The following SNX13 variants were observed in gnomAD, a reference collection of about 807,000 sequenced individuals.
SNX13 encodes sorting nexin 13, also known as sorting nexin-13.
In SNX13, 45 loss-of-function variants were observed where a neutral mutation model predicts 133.6. That is an observed-to-expected ratio of 0.34 (90% CI 0.27 to 0.43). SNX13 has a LOEUF of 0.43. Among genes scored for constraint, SNX13 ranks in the 20% least tolerant of loss-of-function variants. The pLI, the probability that SNX13 is intolerant of heterozygous loss-of-function variation, is 1.00. For missense variants in SNX13, 1,032 were observed against 1,145.1 expected (o/e 0.90, Z 1.43); for synonymous variants, 414 against 373.9 (o/e 1.11, Z -1.24).
In SNX13 at chr7:17,891,634, C is replaced by T. The variant is rs951393695; in HGVS notation, c.230G>A (p.Cys77Tyr). 6.2e-7 allele frequency: 1 copy of T among 1,608,314 alleles called. No individual in the cohort carries two copies. The highest frequency in any genetic ancestry group is 1.7e-4 in the Middle Eastern group (1 of 6,046). Residue 77 changes from cysteine to tyrosine, a missense_variant and splice_region_variant, in exon 4 of 26, where the codon TGC (cysteine) becomes TAC (tyrosine). Coordinates refer to ENST00000428135, the MANE Select transcript of SNX13 (RefSeq NM_015132.5). ...LPPTSPGVPK[C>Y]LEEMKREART... ...GGCTTCCCGTTTCATTTCTTCTAAG[C>T]ACTTAAAGGAAATCAAAATATCTTA...
rs563935075 is a variant in SNX13, at chr7:17,922,848, A to C, written c.12+17436T>G. 1.2e-4 allele frequency among the ~76,000 whole-genome samples: 18 copies of C among 152,342 alleles called. No individual in the cohort carries two copies. The East Asian group carries it at 3.3e-3, about 28-fold the overall frequency. ...GTAATTTTTTAAAATGTAATGAAAA[A>C]TCATATGTGCTTACTCAGAAAAAGG... On this transcript the variant is annotated intron_variant, in intron 1 of 25. Coordinates refer to ENST00000428135, the MANE Select transcript of SNX13 (RefSeq NM_015132.5).
chr7:17,831,273 A>G (rs550733328), intron 15 of SNX13: 2 of 977,558 alleles, frequency 2.0e-6, no homozygotes, highest in African/African-American at 3.5e-5. Context: ...AACAAAAGAA[A>G]GCACTGTTCA....
chr7:17,820,446 A>T (rs1038960976), intron 18 of SNX13, among the ~76,000 whole-genome samples: 4 of 152,082 alleles, frequency 2.6e-5, no homozygotes, highest in Non-Finnish European at 5.9e-5. Flanking sequence ...ATCAAGCTAA[A>T]CATGAAGAAA....
chr7:17,906,155 C>T (rs991237767), intron 1 of SNX13, among the ~76,000 whole-genome samples: 11 of 151,904 alleles, frequency 7.2e-5, no homozygotes, highest in South Asian at 4.1e-4. Flanking sequence ...AGAGGGAGAA[C>T]GACAGCCAGA....
intron 1 of SNX13, among the ~76,000 whole-genome samples, chr7:17,929,370 C>A (rs1801138972): frequency 6.6e-6 from 1 of 152,036 alleles, no homozygotes; most frequent in South Asian, 2.1e-4. Context: ...AAAAGATAAG[C>A]AACTGCTGCA....
intron 1 of SNX13, among the ~76,000 whole-genome samples, chr7:17,934,376 T>A (rs1464108652): frequency 1.3e-5 from 2 of 152,216 alleles, no homozygotes; most frequent in African/African-American, 4.8e-5. Context: ...TGGTGGATAA[T>A]TTTAGATGTC....
intron 5 of SNX13, chr7:17,889,382 A>T (rs1796372649): frequency 6.6e-6 from 1 of 152,146 alleles, no homozygotes; most frequent in African/African-American, 2.4e-5. Flanking sequence ...GCCAACTCCA[A>T]ATCTAAAGCT....
intron 4 of SNX13, among the ~76,000 whole-genome samples, 162 bp downstream of exon 4, chr7:17,891,384 G>C (rs1796609559): frequency 6.6e-6 from 1 of 152,018 alleles, no homozygotes; most frequent in African/African-American, 2.4e-5. Context: ...CATTAGAAGT[G>C]AGTTAATAAA....
Position 17,803,556 on chromosome 7 carries a change from G to A in SNX13, c.2089C>T (p.Arg697Cys), listed in dbSNP as rs193193507. 3.1e-6 allele frequency: 5 copies of A among 1,609,574 alleles called. No individual in the cohort carries two copies. The highest frequency in any genetic ancestry group is 4.5e-5 in the East Asian group (2 of 44,762). ...RKMDTFVNPL[R>C]NSMRNVSNAV... ...TTTGAAACATTCCTCATTGAATTGC[G>A]AAGTGGATTTACAAAAGTGTCCATC... The change falls in exon 21 of 26, where the codon CGC becomes TGC. Residue 697 changes from arginine (R) to cysteine (C), a missense_variant. By Grantham distance (180) the Arg-to-Cys change is radical. Transcript: ENST00000428135.
chr7:17,940,454 C>G lies in SNX13; in HGVS notation c.-159G>C, dbSNP rs889100337. 2 of 805,054 alleles carry G rather than the reference C, an allele frequency of 2.5e-6. No individual in the cohort carries two copies. Among genetic ancestry groups the G allele is most frequent in the Admixed American group, 4.0e-5 (2 of 50,126 alleles). The allele number at this position is 805,054 out of a possible 1,614,324, so 49.9% of individuals were successfully genotyped here. On this transcript the variant is annotated 5_prime_UTR_variant, in exon 1 of 26. Transcript: ENST00000428135. ...CTCGGCTTCGCTGGCCTCCCCTCGG[C>G]CCGGTCGCTCGCGACGGACGCGCCG...
intron 9 of SNX13, among the ~76,000 whole-genome samples, chr7:17,852,235 A>G (rs1308034684): frequency 1.3e-5 from 2 of 152,142 alleles, no homozygotes; most frequent in Admixed American, 6.5e-5. Context: ...TTAGCTGGGC[A>G]TGGTGGCAGG....
At position 17,849,761 on chromosome 7, in the gene SNX13, T is replaced by C. The variant is rs545886512; in HGVS notation, c.1065+586A>G. On this transcript the variant is annotated intron_variant, in intron 11 of 25. Coordinates refer to ENST00000428135, the MANE Select transcript of SNX13 (RefSeq NM_015132.5). The stretch of plus-strand genomic sequence containing the variant: ...TTTGCTCTCATGACTGCCTCTAAGA[T>C]AGATACTTCAAAGGCAAACAAAAAT... Among the ~76,000 whole-genome samples, 5 of 152,316 alleles carry C rather than the reference T, an allele frequency of 3.3e-5. No homozygotes were observed. In the East Asian group the frequency reaches 7.7e-4, roughly 24 times the overall value.
At chr7:17,826,140 A>T (rs1011448816) in intron 16 of SNX13, 49 bp from the exon 17 acceptor site, 1 of 1,228,506 alleles carries the variant, frequency 8.1e-7, no homozygotes, top group Non-Finnish European at 1.1e-6. Flanking sequence ...TATAGGGAAA[A>T]AAAAGAGTAA....
At chr7:17,862,755 G>A (rs924348172) in intron 9 of SNX13, among the ~76,000 whole-genome samples, 32 of 152,106 alleles carry the variant, frequency 2.1e-4, no homozygotes, top group Admixed American at 1.6e-3. Flanking sequence ...TGCTATGAAC[G>A]GTCTTAAATA....
chr7:17,918,592 A>T (rs1002498496), intron 1 of SNX13, among the ~76,000 whole-genome samples: 5 of 152,258 alleles, frequency 3.3e-5, no homozygotes, highest in African/African-American at 1.2e-4. Flanking sequence ...CTATTATTAA[A>T]AAGTCAAAAA....
At chr7:17,814,991 A>T in intron 19 of SNX13, 47 bp from the exon 20 acceptor site, 1 of 1,335,170 alleles carries the variant, frequency 7.5e-7, no homozygotes, top group Non-Finnish European at 9.6e-7. Flanking sequence ...AAACTGACAG[A>T]ATGCTAGAAA....
At chr7:17,910,233 C>G (rs1256271561) in intron 1 of SNX13, among the ~76,000 whole-genome samples, 1 of 151,874 alleles carries the variant, frequency 6.6e-6, no homozygotes, top group African/African-American at 2.4e-5. Context: ...GTTTTAGGAA[C>G]ATAAATATAA....
intron 2 of SNX13, among the ~76,000 whole-genome samples, chr7:17,894,599 A>T (rs887340989): frequency 6.6e-6 from 1 of 152,188 alleles, no homozygotes; most frequent in African/African-American, 2.4e-5. Context: ...ATCAAGGAAG[A>T]TAAATGGTGA....
At chr7:17,816,400 G>T in intron 18 of SNX13, 111 bp from the exon 19 acceptor site, 2 of 1,295,864 alleles carry the variant, frequency 1.5e-6, no homozygotes, top group South Asian at 2.8e-5. Context: ...GGTGGCTCAC[G>T]CCTGTAATCC....
Sources: allele counts gnomAD v4.1 joint callset (sites outside exome capture counted in the v4.1 genomes callset), GRCh38; gene constraint gnomAD v4.1.1; transcripts MANE v1.5; gene names NCBI Gene and HGNC (gene_info 2026-07-23, HGNC 2026-07-21).